The following IGSF9B variants were observed in gnomAD, a reference collection of about 807,000 sequenced individuals.
IGSF9B encodes protein turtle homolog B.
In IGSF9B, 48 loss-of-function variants were observed where a neutral mutation model predicts 143.7. That is an observed-to-expected ratio of 0.33 (90% confidence interval 0.26 to 0.42). The LOEUF is 0.42. IGSF9B is among the 20% of genes least tolerant of loss of function. The pLI, the probability that IGSF9B is intolerant of heterozygous loss-of-function variation, is 1.00. For synonymous variants in IGSF9B, 903 were observed against 833.1 expected, an observed-to-expected ratio of 1.08 and a Z score of -1.44; for missense variants, 1,706 against 1,980.0, an observed-to-expected ratio of 0.86 and a Z score of 2.63.
intron 19 of IGSF9B, among the ~76,000 whole-genome samples, chr11:133,910,688 C>T (rs1038880457): frequency 1.3e-5 from 2 of 152,116 alleles, no homozygotes; most frequent in East Asian, 1.9e-4. Context: ...AGGGAAGGGA[C>T]CTGGGCTAAA....
At position 133,925,763 on chromosome 11, in the gene IGSF9B, C is replaced by T. The variant is rs755622090; in HGVS notation, c.2010G>A (p.Glu670=). 5 of 1,613,678 alleles carry T rather than the reference C, an allele frequency of 3.1e-6. No individual in the cohort carries two copies. Among genetic ancestry groups the T allele is most frequent in the South Asian group, 2.2e-5 (2 of 91,022 alleles). ...LDDGIPGTEG[E]FFAKDLSQDT... ...CCTGTGACAGATCCTTGGCAAAGAA[C>T]TCTCCTTCGGTGCCGGGGATGCCAT... Residue 670 remains glutamate, a synonymous_variant, in exon 14 of 20, where the codon GAG becomes GAA. Transcript: ENST00000533871.
chr11:133,939,681 G>A (rs1939887360), intron 3 of IGSF9B, among the ~76,000 whole-genome samples: 1 of 152,268 alleles, frequency 6.6e-6, no homozygotes, highest in Non-Finnish European at 1.5e-5. Flanking sequence ...GGCGCACGGA[G>A]GGTGGCCACT....
rs1939596319 is a variant in IGSF9B at position 133,924,814 on chromosome 11, A to G, written c.2119+6T>C. Reference sequence around the variant, plus strand: ...TAGTTGCAAGAGCACCCTCAACCCAAAATACCTGTGCTGGAGACGCCGGCG... The same window carrying G: ...TAGTTGCAAGAGCACCCTCAACCCAGAATACCTGTGCTGGAGACGCCGGCG... On this transcript the variant is annotated splice_donor_region_variant and intron_variant, in intron 15 of 19. Coordinates refer to ENST00000533871, the MANE Select transcript of IGSF9B (RefSeq NM_001277285.4). 1 of 1,612,014 alleles carries G rather than the reference A, an allele frequency of 6.2e-7. No homozygotes were observed. The highest frequency in any genetic ancestry group is 8.5e-7 in the Non-Finnish European group (1 of 1,178,384).
intron 1 of IGSF9B, among the ~76,000 whole-genome samples, chr11:133,950,269 G>A (rs1431978223): frequency 1.3e-5 from 2 of 152,226 alleles, no homozygotes; most frequent in Non-Finnish European, 2.9e-5. Flanking sequence ...GGAGGAAGGT[G>A]TGCAGGGCAA....
rs867200775 is a variant in IGSF9B at position 133,928,296 on chromosome 11, C to T, written c.1632-1205G>A. Among the ~76,000 whole-genome samples, 7 of 152,260 alleles carry T rather than the reference C, an allele frequency of 4.6e-5. No homozygotes were observed. Among genetic ancestry groups the T allele is most frequent in the Middle Eastern group, 3.4e-3 (1 of 294 alleles). ...GCTGGTTAGGGCCCCCACGCTGCTG[C>T]GGGAGGAACAGAGTAAGGGGACGGG... On this transcript the variant is annotated intron_variant, in intron 12 of 19. Coordinates refer to ENST00000533871, the MANE Select transcript of IGSF9B (RefSeq NM_001277285.4). The surrounding 1 kb of genome is among the most constrained non-coding windows in gnomAD (Gnocchi z 4.7).
rs141872555 is a variant in IGSF9B at position 133,919,649 on chromosome 11, C to G, written c.3983+93G>C. 5,361 of 840,778 alleles carry G rather than the reference C, an allele frequency of 6.4e-3. 26 individuals are homozygous for G. The highest frequency in any genetic ancestry group is 7.6e-3 in the Non-Finnish European group (4,535 of 594,456). The allele number at this position is 840,778 out of a possible 1,614,324, so 52.1% of individuals were successfully genotyped here. ...TGCGGCATGTCCGCACGAGCCCTGT[C>G]GCCGGGCGGATGGACGGGGTGGAGG... On this transcript the variant is annotated intron_variant, in intron 18 of 19. Coordinates refer to ENST00000533871, the MANE Select transcript of IGSF9B (RefSeq NM_001277285.4).
chr11:133,909,085 T>A lies in IGSF9B; in HGVS notation c.4298A>T (p.His1433Leu). ...GGGGTGGAGTCACAGCAAAGTGGCA[T>A]GTCCTGGGTCATCGTGGTCCACACT... ...LNSVDHDDPG[H>L]ATLL The change falls in exon 20 of 20, where the codon CAT becomes CTT. Residue 1433 changes from histidine (H) to leucine (L), a missense_variant. By Grantham distance (99) the His-to-Leu change is moderately conservative. Coordinates refer to ENST00000533871, the MANE Select transcript of IGSF9B (RefSeq NM_001277285.4). This position sits in a 1 kb window ranked among gnomAD's most constrained non-coding sequence, Gnocchi z 4.2. 6.5e-7 allele frequency: 1 copy of A among 1,535,842 alleles called. No homozygotes were observed. The highest frequency in any genetic ancestry group is 8.7e-7 in the Non-Finnish European group (1 of 1,146,662).
In IGSF9B at chr11:133,956,565, C is replaced by A. The variant is rs548541756; in HGVS notation, c.64+126G>T. The A allele has an allele frequency of 2.8e-5, 17 of 617,742 alleles. No homozygotes were observed. In the East Asian group the frequency reaches 3.2e-4, roughly 12 times the overall value. 38.3% of individuals were successfully genotyped at this position (617,742 alleles called of 1,614,324 possible). ...GGCCCGCGTCGGAGCCCAAGCCTCACCCGCGGGAAGGCGCGCCGGGGAGCT... is the reference window on the plus strand; with the variant it reads ...GGCCCGCGTCGGAGCCCAAGCCTCAACCGCGGGAAGGCGCGCCGGGGAGCT... On this transcript the variant is annotated intron_variant, in intron 1 of 19. Transcript: ENST00000533871.
intron 11 of IGSF9B, among the ~76,000 whole-genome samples, chr11:133,930,162 G>A (rs989733971): frequency 6.6e-6 from 1 of 152,114 alleles, no homozygotes; most frequent in African/African-American, 2.4e-5. Flanking sequence ...AAGGTTCTCT[G>A]GCCTCAGAAG....
At chr11:133,926,030 C>T in intron 13 of IGSF9B, 65 bp from the exon 14 acceptor site, 1 of 1,177,512 alleles carries the variant, frequency 8.5e-7, no homozygotes, top group Non-Finnish European at 1.2e-6. Flanking sequence ...ACCGCACCCC[C>T]CACACTCCTG....
chr11:133,954,690 G>A (rs1940219341), intron 1 of IGSF9B, among the ~76,000 whole-genome samples: 1 of 152,168 alleles, frequency 6.6e-6, no homozygotes, highest in Admixed American at 6.5e-5. Context: ...AGGTCACAGG[G>A]TCGGCAGGTG....
Position 133,955,236 on chromosome 11 carries a change from A to AC in IGSF9B, c.64+1454dup, listed in dbSNP as rs538721853. On this transcript the variant is annotated intron_variant, in intron 1 of 19. Coordinates refer to ENST00000533871, the MANE Select transcript of IGSF9B (RefSeq NM_001277285.4). ...GCGCAGCCCGATGCACCTCACATCCACCCCCCGTTCCGTAAGCTTCCGCCA... is the reference window on the plus strand; with the variant it reads ...GCGCAGCCCGATGCACCTCACATCCACCCCCCCGTTCCGTAAGCTTCCGCCA... 3.2e-4 allele frequency among the ~76,000 whole-genome samples: 49 copies of AC among 151,906 alleles called. 1 individual carries two copies. Among genetic ancestry groups the AC allele is most frequent in the African/African-American group, 6.8e-4 (28 of 41,432 alleles).
In IGSF9B at chr11:133,937,614, G is replaced by T. The variant is rs575532852; in HGVS notation, c.562-121C>A. Reference sequence around the variant, plus strand: ...GATGACCACAGGGACAGATGCATCTGGGGGACACGAAGGGCAGGTGCCCCC... The same window carrying T: ...GATGACCACAGGGACAGATGCATCTTGGGGACACGAAGGGCAGGTGCCCCC... On this transcript the variant is annotated intron_variant, in intron 4 of 19. Coordinates refer to ENST00000533871, the MANE Select transcript of IGSF9B (RefSeq NM_001277285.4). 8.8e-5 allele frequency: 88 copies of T among 996,766 alleles called. 1 individual carries two copies. Among genetic ancestry groups the T allele is most frequent in the South Asian group, 7.0e-4 (44 of 63,096 alleles). 61.7% of individuals were successfully genotyped at this position (996,766 alleles called of 1,614,324 possible).
chr11:133,947,738 C>CTCTG (rs1940081040), intron 1 of IGSF9B, among the ~76,000 whole-genome samples: 1 of 151,734 alleles, frequency 6.6e-6, no homozygotes, highest in Non-Finnish European at 1.5e-5. Flanking sequence ...CTCTCTCTCT[C>CTCTG]TCGCATCTCT....
intron 3 of IGSF9B, among the ~76,000 whole-genome samples, chr11:133,941,528 C>T (rs1370931152): frequency 6.6e-6 from 1 of 152,130 alleles, no homozygotes; most frequent in East Asian, 1.9e-4. Context: ...CCTTCAGTAA[C>T]GGAAATTTTT....
chr11:133,930,180 C>T (rs552248697), intron 11 of IGSF9B, among the ~76,000 whole-genome samples: 3 of 152,138 alleles, frequency 2.0e-5, no homozygotes, highest in Admixed American at 1.3e-4. Flanking sequence ...AAGACAACTC[C>T]GTCCCACCCC....
chr11:133,920,565 C>G lies in IGSF9B; in HGVS notation c.3160G>C (p.Ala1054Pro). The change falls in exon 18 of 20, where the codon GCG becomes CCG. Residue 1054 changes from alanine (A) to proline (P), a missense_variant. Physicochemically the swap from Ala to Pro is conservative, Grantham distance 27. Transcript: ENST00000533871. ...GGCAGCTGGTGGGGGAACATCATCG[C>G]TGGGGTCTCCAGCCCCCCGAAGGGG... Reference protein sequence around the residue: ...EFPFGGLETPAMMFPHQLPPC... With the variant: ...EFPFGGLETPPMMFPHQLPPC... 7.4e-6 allele frequency: 12 copies of G among 1,613,218 alleles called. No individual in the cohort carries two copies. Among genetic ancestry groups the G allele is most frequent in the Non-Finnish European group, 1.0e-5 (12 of 1,179,674 alleles).
chr11:133,933,376 G>C (rs1272927929), intron 7 of IGSF9B, among the ~76,000 whole-genome samples: 1 of 152,182 alleles, frequency 6.6e-6, no homozygotes, highest in African/African-American at 2.4e-5. Context: ...AACCACAAAG[G>C]GGGTATTTTT....
chr11:133,931,166 G>C lies in IGSF9B; in HGVS notation c.1369-32C>G. On this transcript the variant is annotated intron_variant, in intron 10 of 19. Coordinates refer to ENST00000533871, the MANE Select transcript of IGSF9B (RefSeq NM_001277285.4). This position sits in a 1 kb window ranked among gnomAD's most constrained non-coding sequence, Gnocchi z 7.7. ...GAACAAGGGGCAGGGAAGAGGGTGGGAACAGAAATGGGGGTTAGGAGAGAA... is the reference window on the plus strand; with the variant it reads ...GAACAAGGGGCAGGGAAGAGGGTGGCAACAGAAATGGGGGTTAGGAGAGAA... 3.8e-6 allele frequency: 6 copies of C among 1,597,156 alleles called. No individual in the cohort carries two copies. Among genetic ancestry groups the C allele is most frequent in the Non-Finnish European group, 5.1e-6 (6 of 1,169,774 alleles).
Sources: allele counts gnomAD v4.1 joint callset (sites outside exome capture counted in the v4.1 genomes callset), GRCh38; gene constraint gnomAD v4.1.1; non-coding constraint Gnocchi (gnomAD v3.1); transcripts MANE v1.5; gene names NCBI Gene and HGNC (gene_info 2026-07-23, HGNC 2026-07-21).